The following DISC1 variants were observed in gnomAD, a reference collection of about 807,000 sequenced individuals.
DISC1 encodes the protein disrupted in schizophrenia 1 protein.
Under a neutral mutation model 84.5 loss-of-function variants are expected in DISC1, and 57 were observed. That is an observed-to-expected ratio of 0.67 (90% CI 0.55 to 0.84). The LOEUF (loss-of-function observed/expected upper bound fraction) is 0.84, where lower values mean the gene tolerates loss of function less well. Among genes scored for constraint, DISC1 ranks in the 40% least tolerant of loss-of-function variants. DISC1 has a pLI of 0.00. For synonymous variants in DISC1, 411 were observed against 415.2 expected, an observed-to-expected ratio of 0.99 and a Z score of 0.12; for missense variants, 1,000 against 1,057.8, an observed-to-expected ratio of 0.95 and a Z score of 0.76.
At chr1:231,966,404 T>C (rs1239271912) in intron 10 of DISC1, among the ~76,000 whole-genome samples, 1 of 152,270 alleles carries the variant, frequency 6.6e-6, no homozygotes, top group Non-Finnish European at 1.5e-5. Flanking sequence ...TTCTCAATTA[T>C]TACATATTAT....
intron 1 of DISC1, among the ~76,000 whole-genome samples, chr1:231,665,315 TTG>T (rs1553299676): frequency 6.6e-6 from 1 of 152,146 alleles, no homozygotes; most frequent in Non-Finnish European, 1.5e-5. Flanking sequence ...ACATTTTTTT[TTG>T]TGTTTGGAGC....
rs1170322027 is a variant in DISC1 at position 231,952,539 on chromosome 1, C to G, written c.1982-6289C>G. Among the ~76,000 whole-genome samples the G allele has an allele frequency of 3.9e-5, 6 of 152,066 alleles. No individual in the cohort carries two copies. In the East Asian group the frequency reaches 1.2e-3, roughly 29 times the overall value. Reference sequence around the variant, plus strand: ...CTGCAAATAAATAAATTTATACATGCAAATCAAAATCTTTTAGTAAAATCA... The same window carrying G: ...CTGCAAATAAATAAATTTATACATGGAAATCAAAATCTTTTAGTAAAATCA... On this transcript the variant is annotated intron_variant, in intron 9 of 12. Transcript: ENST00000439617.
chr1:231,752,396 G>A (rs1314907142), intron 4 of DISC1, among the ~76,000 whole-genome samples: 3 of 152,100 alleles, frequency 2.0e-5, no homozygotes, highest in African/African-American at 7.2e-5. Flanking sequence ...GAGAGAGAGA[G>A]AAAAGAGGGA....
In DISC1 at chr1:231,899,760, C is replaced by T. The variant is rs140660931; in HGVS notation, c.1982-59068C>T. Among the ~76,000 whole-genome samples, 319 of 152,190 alleles carry T rather than the reference C, an allele frequency of 2.1e-3. 1 individual carries two copies. Among genetic ancestry groups the T allele is most frequent in the African/African-American group, 7.2e-3 (297 of 41,524 alleles). On this transcript the variant is annotated intron_variant, in intron 9 of 12. Transcript: ENST00000439617. ...GATTATTGTTTTCTGGCGAGTCTGTCGTGTAATCCAGTAATTGCAATAAAA... is the reference window on the plus strand; with the variant it reads ...GATTATTGTTTTCTGGCGAGTCTGTTGTGTAATCCAGTAATTGCAATAAAA...
chr1:231,663,858 T>C (rs1270993903), intron 1 of DISC1, among the ~76,000 whole-genome samples: 2 of 152,212 alleles, frequency 1.3e-5, no homozygotes, highest in African/African-American at 4.8e-5. Context: ...TGCAGAATCT[T>C]ATTTTTTTAA....
In DISC1 at chr1:232,009,065, A is replaced by G; in HGVS notation, c.2307+16A>G. ...ACAGAAAGAGGTCTGTCCTTTTCACATGGCCTCCAGAGGGGACCCTTATTC... is the reference window on the plus strand; with the variant it reads ...ACAGAAAGAGGTCTGTCCTTTTCACGTGGCCTCCAGAGGGGACCCTTATTC... On this transcript the variant is annotated intron_variant, in intron 11 of 12. Coordinates refer to ENST00000439617, the MANE Select transcript of DISC1 (RefSeq NM_018662.3). The surrounding 1 kb of genome is among the most constrained non-coding windows in gnomAD (Gnocchi z 4.6). 3.7e-6 allele frequency: 6 copies of G among 1,613,720 alleles called. No individual in the cohort carries two copies. The highest frequency in any genetic ancestry group is 5.1e-6 in the Non-Finnish European group (6 of 1,179,768).
At chr1:231,746,667 A>G (rs1042432704) in intron 3 of DISC1, among the ~76,000 whole-genome samples, 1 of 152,134 alleles carries the variant, frequency 6.6e-6, no homozygotes, top group Non-Finnish European at 1.5e-5. Flanking sequence ...CTGGGGTGAG[A>G]TGATACCTCA....
chr1:231,893,529 A>G (rs1376779548), intron 9 of DISC1, among the ~76,000 whole-genome samples: 1 of 152,186 alleles, frequency 6.6e-6, no homozygotes, highest in African/African-American at 2.4e-5. Context: ...GTTTATATGA[A>G]AGCATGTATT....
intron 1 of DISC1, among the ~76,000 whole-genome samples, chr1:231,672,348 C>T (rs1411148216): frequency 6.6e-6 from 1 of 152,184 alleles, no homozygotes; most frequent in Non-Finnish European, 1.5e-5. Flanking sequence ...TTTTACCTCT[C>T]TTGGGCTTCA....
intron 10 of DISC1, among the ~76,000 whole-genome samples, chr1:231,973,371 G>A (rs200643939): frequency 5.4e-4 from 82 of 152,244 alleles, no homozygotes; most frequent in Non-Finnish European, 8.8e-4. Context: ...TTTAAAGGAA[G>A]AATAAATACA....
chr1:231,968,608 A>AG (rs1171607147), intron 10 of DISC1, among the ~76,000 whole-genome samples: 1 of 149,782 alleles, frequency 6.7e-6, no homozygotes, highest in Non-Finnish European at 1.5e-5. Context: ...AAAAAAAAAA[A>AG]AGCAAAAACA....
intron 9 of DISC1, among the ~76,000 whole-genome samples, chr1:231,928,329 A>G (rs923037310): frequency 6.6e-6 from 1 of 152,252 alleles, no homozygotes; most frequent in South Asian, 2.1e-4. Flanking sequence ...AAGCAGTGTC[A>G]GTGAAAGGGC....
rs1171872276 is a variant in DISC1, at chr1:231,768,967, C to T, written c.1398+1698C>T. Among the ~76,000 whole-genome samples, 4 of 152,176 alleles carry T rather than the reference C, an allele frequency of 2.6e-5. No homozygotes were observed. In the East Asian group the frequency reaches 5.8e-4, roughly 22 times the overall value. ...CATGAAGGCTTAGAGTGGGAGTGGGCCTCCTGTGTTCAGAGGGCAGCTGGA... is the reference window on the plus strand; with the variant it reads ...CATGAAGGCTTAGAGTGGGAGTGGGTCTCCTGTGTTCAGAGGGCAGCTGGA... On this transcript the variant is annotated intron_variant, in intron 5 of 12. Coordinates refer to ENST00000439617, the MANE Select transcript of DISC1 (RefSeq NM_018662.3).
chr1:231,892,398 GC>G (rs2087302224), intron 9 of DISC1, among the ~76,000 whole-genome samples: 1 of 152,142 alleles, frequency 6.6e-6, no homozygotes, highest in East Asian at 1.9e-4. Context: ...TCCAAGTAGT[GC>G]CTTCATGGCT....
intron 1 of DISC1, among the ~76,000 whole-genome samples, chr1:231,686,376 C>T (rs561469368): frequency 1.3e-5 from 2 of 152,336 alleles, no homozygotes; most frequent in Admixed American, 1.3e-4. Context: ...GGTGGTGGTT[C>T]CCAAACCCCA....
intron 1 of DISC1, among the ~76,000 whole-genome samples, chr1:231,639,160 G>A (rs2059422898): frequency 6.6e-6 from 1 of 152,262 alleles, no homozygotes; most frequent in East Asian, 1.9e-4. Flanking sequence ...CAAGGCACTT[G>A]TCTTCATGTT....
rs201076861 is a variant in DISC1 at position 231,661,174 on chromosome 1, C to CT, written c.68-32641dup. Among the ~76,000 whole-genome samples, 474 of 146,890 alleles carry CT rather than the reference C, an allele frequency of 3.2e-3. 6 individuals carry two copies. Among genetic ancestry groups the CT allele is most frequent in the East Asian group, 9.9e-3 (50 of 5,042 alleles). On this transcript the variant is annotated intron_variant, in intron 1 of 12. Transcript: ENST00000439617. Reference sequence around the variant, plus strand: ...GGCCTTTCTTTCTGGCTGCCCTTCACTTTTTTTTTTTCATTTCGACCTGGA... The same window carrying CT: ...GGCCTTTCTTTCTGGCTGCCCTTCACTTTTTTTTTTTTCATTTCGACCTGGA...
At chr1:231,818,750 T>C in intron 9 of DISC1, 2 of 1,380,128 alleles carry the variant, frequency 1.4e-6, no homozygotes, top group Non-Finnish European at 1.9e-6. Flanking sequence ...CTGTTCCCTG[T>C]CTCAACCTGT....
chr1:231,793,998 G>T (rs1384889619), intron 6 of DISC1, among the ~76,000 whole-genome samples: 1 of 152,066 alleles, frequency 6.6e-6, no homozygotes. Context: ...TGGCCACGCT[G>T]CTCGCGAACT....
Sources: gnomAD v4.1 joint callset for allele counts (sites outside exome capture counted in the v4.1 genomes callset) on GRCh38, gnomAD v4.1.1 for gene constraint, Gnocchi (gnomAD v3.1) non-coding constraint, MANE v1.5 for transcripts, NCBI Gene and HGNC (gene_info 2026-07-23, HGNC 2026-07-21) for gene names.